GRK5: variants seen among roughly 807,000 people sequenced by gnomAD.
GRK5 encodes G protein-coupled receptor kinase 5, also known as g protein-coupled receptor kinase GRK5.
A neutral mutation model predicts 78.4 loss-of-function variants in GRK5; 40 were observed. That is an observed-to-expected ratio of 0.51 (90% CI 0.40 to 0.66). The LOEUF is 0.66. Ranked by LOEUF, GRK5 falls within the 30% of genes least tolerant of loss-of-function variation. The probability of loss-of-function intolerance (pLI) is 0.00; values close to 1 mark genes in which losing one functional copy is unlikely to be tolerated. For synonymous variants in GRK5, 289 were observed against 296.8 expected (o/e 0.97, Z 0.27); for missense variants, 598 against 759.9 (o/e 0.79, Z 2.50).
intron 4 of GRK5, among the ~76,000 whole-genome samples, chr10:119,397,872 G>A (rs151323192): frequency 4.6e-5 from 7 of 152,202 alleles, no homozygotes; most frequent in Non-Finnish European, 8.8e-5. Context: ...TTCCTAATGC[G>A]CACACAGTCG....
In GRK5 at chr10:119,226,094, G is replaced by A. The variant is rs1246405613; in HGVS notation, c.52+18125G>A. 7.2e-4 allele frequency among the ~76,000 whole-genome samples: 110 copies of A among 151,732 alleles called. 1 individual carries two copies. The highest frequency in any genetic ancestry group is 2.2e-4 in the Non-Finnish European group (15 of 67,918). ...GATCTCCCGACCTCATGATCCACCC[G>A]CTTCAGCCTCCCAAAGTGCTGGGAT... On this transcript the variant is annotated intron_variant, in intron 1 of 15. Coordinates refer to ENST00000392870, the MANE Select transcript of GRK5 (RefSeq NM_005308.3).
chr10:119,242,342 G>A (rs1021482156), intron 1 of GRK5, among the ~76,000 whole-genome samples: 3 of 151,754 alleles, frequency 2.0e-5, no homozygotes, highest in Non-Finnish European at 4.4e-5. Flanking sequence ...CGGAGCGGGG[G>A]CAGGAATGAT....
chr10:119,317,686 A>G (rs1850516162), intron 1 of GRK5, among the ~76,000 whole-genome samples: 1 of 152,156 alleles, frequency 6.6e-6, no homozygotes, highest in Admixed American at 6.5e-5. Context: ...ACCTTGTCAG[A>G]GTCAGAGCCC....
In GRK5 at chr10:119,430,119, G is replaced by A. The variant is rs1326448576; in HGVS notation, c.534-256G>A. On this transcript the variant is annotated intron_variant, in intron 6 of 15. Transcript: ENST00000392870. This position sits in a 1 kb window ranked among gnomAD's most constrained non-coding sequence, Gnocchi z 4.5. ...CACTCAGGTTTTTCAAGCTTTCTGA[G>A]CAAGCGAGGCTTGTGCATCCCCCAG... Among the ~76,000 whole-genome samples, 1 of 152,202 alleles carries A rather than the reference G, an allele frequency of 6.6e-6. No individual in the cohort carries two copies. Among genetic ancestry groups the A allele is most frequent in the Non-Finnish European group, 1.5e-5 (1 of 68,044 alleles).
In GRK5 at chr10:119,207,827, G is replaced by A; in HGVS notation, c.-91G>A. ...TGGCTCCCCCGGCTCCGGCAGCAGCGGCGGCAGCCCGAGCAGCGGCAGCAG... is the reference window on the plus strand; with the variant it reads ...TGGCTCCCCCGGCTCCGGCAGCAGCAGCGGCAGCCCGAGCAGCGGCAGCAG... On this transcript the variant is annotated 5_prime_UTR_variant, in exon 1 of 16. Transcript: ENST00000392870. 2 of 1,257,454 alleles carry A rather than the reference G, an allele frequency of 1.6e-6. No individual in the cohort carries two copies. The highest frequency in any genetic ancestry group is 2.2e-6 in the Non-Finnish European group (2 of 911,484). 77.9% of individuals were successfully genotyped at this position (1,257,454 alleles called of 1,614,324 possible).
intron 1 of GRK5, among the ~76,000 whole-genome samples, chr10:119,232,873 A>G (rs1371877009): frequency 6.6e-6 from 1 of 152,264 alleles, no homozygotes. Context: ...TTGAGATGAC[A>G]GATATGCTAA....
chr10:119,425,300 C>CAA (rs1564930056), intron 6 of GRK5, among the ~76,000 whole-genome samples: 7 of 150,786 alleles, frequency 4.6e-5, no homozygotes, highest in South Asian at 2.1e-4. Flanking sequence ...CACACACAAA[C>CAA]ACACATTCAC....
chr10:119,454,384 C>T (rs7922294), intron 15 of GRK5, among the ~76,000 whole-genome samples: 27,556 of 152,164 alleles, frequency 0.18, 3,112 homozygotes, highest in African/African-American at 0.31. Context: ...CCTAGAGCCA[C>T]GGGTGGCGGC....
At chr10:119,449,523 G>T (rs991467044) in intron 13 of GRK5, among the ~76,000 whole-genome samples, 1 of 152,146 alleles carries the variant, frequency 6.6e-6, no homozygotes, top group African/African-American at 2.4e-5. Flanking sequence ...AGAGTAGGCC[G>T]GGCACGGTGG....
chr10:119,390,500 G>A (rs925538011), intron 3 of GRK5, among the ~76,000 whole-genome samples: 1 of 152,134 alleles, frequency 6.6e-6, no homozygotes, highest in Non-Finnish European at 1.5e-5. Context: ...TTCGGGACCA[G>A]CCTGGCCAAT....
At chr10:119,240,367 AT>A (rs766014388) in intron 1 of GRK5, among the ~76,000 whole-genome samples, 1 of 150,908 alleles carries the variant, frequency 6.6e-6, no homozygotes, top group Non-Finnish European at 1.5e-5. Context: ...TGCCCGGCTA[AT>A]TTTTTTGTAT....
At chr10:119,312,671 A>T (rs1850379604) in intron 1 of GRK5, among the ~76,000 whole-genome samples, 1 of 152,190 alleles carries the variant, frequency 6.6e-6, no homozygotes, top group South Asian at 2.1e-4. Context: ...TCAGGGAGGC[A>T]GTAGGGGCCG....
chr10:119,327,784 C>T (rs916120667), intron 2 of GRK5, among the ~76,000 whole-genome samples: 19 of 152,178 alleles, frequency 1.2e-4, no homozygotes, highest in African/African-American at 3.6e-4. Context: ...CGCCCCACGA[C>T]GGCAGACATG....
intron 10 of GRK5, among the ~76,000 whole-genome samples, chr10:119,440,697 C>T (rs191620823): frequency 2.0e-5 from 3 of 152,050 alleles, no homozygotes; most frequent in African/African-American, 4.8e-5. Flanking sequence ...ATTACAGGCA[C>T]GTGCCACCAC....
At chr10:119,326,454 C>A in intron 1 of GRK5, 62 bp from the exon 2 acceptor site, 1 of 1,379,046 alleles carries the variant, frequency 7.3e-7, no homozygotes, top group Non-Finnish European at 1.0e-6. Context: ...TGGGCAGGCT[C>A]ACTGCGGGGA....
chr10:119,273,306 G>A (rs1030456406), intron 1 of GRK5, among the ~76,000 whole-genome samples: 2 of 152,178 alleles, frequency 1.3e-5, no homozygotes, highest in African/African-American at 2.4e-5. Context: ...GTCATCACAG[G>A]TTGCATTAAA....
chr10:119,383,750 C>T (rs938479667), intron 3 of GRK5, among the ~76,000 whole-genome samples: 2 of 152,160 alleles, frequency 1.3e-5, no homozygotes, highest in Non-Finnish European at 2.9e-5. Context: ...TGGGCTCCAG[C>T]AGTTATCAGT....
intron 3 of GRK5, 82 bp downstream of exon 3, chr10:119,381,009 A>C (rs866243727): frequency 1.1e-4 from 96 of 859,532 alleles, no homozygotes; most frequent in Middle Eastern, 2.3e-4. Context: ...AATAGATCTC[A>C]TGGGTTAGAA....
intron 1 of GRK5, among the ~76,000 whole-genome samples, chr10:119,214,171 C>T (rs1848532800): frequency 1.3e-5 from 2 of 152,066 alleles, no homozygotes; most frequent in South Asian, 2.1e-4. Context: ...GGCGGGGTTT[C>T]GCCATGTTGG....
Sources: gnomAD v4.1 joint callset for allele counts (sites outside exome capture counted in the v4.1 genomes callset) on GRCh38, gnomAD v4.1.1 for gene constraint, Gnocchi (gnomAD v3.1) non-coding constraint, MANE v1.5 for transcripts, NCBI Gene and HGNC (gene_info 2026-07-23, HGNC 2026-07-21) for gene names.